The following EML2 variants were observed in gnomAD, a reference collection of about 807,000 sequenced individuals.
The protein encoded by EML2 is EMAP like 2, also known as echinoderm microtubule-associated protein-like 2.
EML2 carries 59 observed loss-of-function variants against 84.7 expected under a neutral mutation model. The observed-to-expected ratio is 0.70, with a 90% CI of 0.56 to 0.86. The LOEUF is 0.86. Among genes scored for constraint, EML2 ranks in the 40% least tolerant of loss-of-function variants. EML2 has a pLI of 0.00. For missense variants in EML2, 818 were observed against 855.6 expected (o/e 0.96, Z 0.55); for synonymous variants, 352 against 348.9 (o/e 1.01, Z -0.10).
intron 3 of EML2, among the ~76,000 whole-genome samples, chr19:45,638,258 T>C (rs1169027471): frequency 6.6e-6 from 1 of 152,232 alleles, no homozygotes; most frequent in African/African-American, 2.4e-5. Flanking sequence ...CCCATCTCTG[T>C]CAGACTCCAG....
At chr19:45,616,945 G>A in intron 13 of EML2, 92 bp from the exon 14 acceptor site, 3 of 980,786 alleles carry the variant, frequency 3.1e-6, no homozygotes, top group Non-Finnish European at 4.7e-6. Context: ...GGGATCAGAG[G>A]GACCCCAGAA....
chr19:45,624,735 G>C lies in EML2; in HGVS notation c.825C>G (p.Leu275=). The C allele has an allele frequency of 1.2e-6, 2 of 1,613,730 alleles. No individual in the cohort carries two copies. Among genetic ancestry groups the C allele is most frequent in the Non-Finnish European group, 1.7e-6 (2 of 1,179,834 alleles). Residue 275 remains leucine (L), a synonymous_variant, in exon 9 of 19, where the codon CTC becomes CTG. Transcript: ENST00000245925. ...GACACTGACCTTTGCCCCAAACATA[G>C]AGGTTCCCCCCAGAGTCCCCCGTGA... ...DVVTGDSGGN[L]YVWGKGGNRI...
In EML2 at chr19:45,625,228, G is replaced by A. The variant is rs545441797; in HGVS notation, c.742-410C>T. ...TTACAGGCCTGCGCCATCATGGCCG[G>A]CTAATTTTGTTTTGTTTTTGTTTTT... On this transcript the variant is annotated intron_variant, in intron 8 of 18. Coordinates refer to ENST00000245925, the MANE Select transcript of EML2 (RefSeq NM_012155.4). 1.1e-4 allele frequency among the ~76,000 whole-genome samples: 16 copies of A among 152,116 alleles called. No homozygotes were observed. In the South Asian group the frequency reaches 3.3e-3, roughly 32 times the overall value.
At chr19:45,634,501 T>A (rs1380670135) in intron 3 of EML2, 30 bp from the exon 4 acceptor site, 2 of 1,500,042 alleles carry the variant, frequency 1.3e-6, no homozygotes, top group Non-Finnish European at 1.8e-6. Context: ...GGTTAAGGAA[T>A]GTGTTTTGTT....
Position 45,609,753 on chromosome 19 carries a change from A to T in EML2, c.1860T>A (p.His620Gln). ...CCCACAAGAAGGCCACATTTGTCAC[A>T]TGGCTGCTGTGTCCACCGTACTTGT... ...LSHKYGGHSS[H>Q]VTNVAFLWDD... The change falls in exon 19 of 19, where the codon CAT becomes CAA. Residue 620 changes from histidine (H) to glutamine (Q), a missense_variant. His to Gln is a conservative substitution (Grantham distance 24). Transcript: ENST00000245925. The T allele has an allele frequency of 6.2e-7, 1 of 1,613,138 alleles. No homozygotes were observed. Among genetic ancestry groups the T allele is most frequent in the Non-Finnish European group, 8.5e-7 (1 of 1,179,638 alleles).
chr19:45,620,460 G>A (rs955637758), intron 11 of EML2, among the ~76,000 whole-genome samples: 2 of 151,984 alleles, frequency 1.3e-5, no homozygotes, highest in African/African-American at 2.4e-5. Context: ...TGTAATCCCC[G>A]CATTTTGGGA....
At chr19:45,621,119 C>G (rs776177717) in intron 11 of EML2, 88 bp downstream of exon 11, 13 of 1,533,496 alleles carry the variant, frequency 8.5e-6, no homozygotes, top group Admixed American at 5.8e-5. Flanking sequence ...GTGAGGAGAA[C>G]TGGGAGTGGG....
chr19:45,643,796 C>T (rs1194822642), upstream of EML2: 1 of 1,459,926 alleles, frequency 6.8e-7, no homozygotes, highest in African/African-American at 1.4e-5. Context: ...GCCCTGCCCC[C>T]CACTCAGCGC....
chr19:45,640,419 G>GT (rs55686927), upstream of EML2: 54,737 of 144,238 alleles, frequency 0.38, 9,995 homozygotes, highest in East Asian at 0.51. Context: ...TTTGTTTTTT[G>GT]TTTTTTGTTT....
chr19:45,643,444 A>G, upstream of EML2: 1 of 1,071,088 alleles, frequency 9.3e-7, no homozygotes. Flanking sequence ...CGCGCCCCAG[A>G]TTTGGCTCTC....
intron 18 of EML2, among the ~76,000 whole-genome samples, chr19:45,612,847 C>G (rs1970635352): frequency 6.6e-6 from 1 of 152,004 alleles, no homozygotes; most frequent in Non-Finnish European, 1.5e-5. Context: ...GAAACAATCC[C>G]TCTTCTGTTA....
At chr19:45,639,845 T>G (rs1002927640), upstream of EML2, among the ~76,000 whole-genome samples, 8 of 151,888 alleles carry the variant, frequency 5.3e-5, no homozygotes, top group Non-Finnish European at 1.2e-4. Flanking sequence ...AATACAAAAC[T>G]TAGCCTGGCG....
chr19:45,644,351 C>T (rs773914767), upstream of EML2, among the ~76,000 whole-genome samples: 4 of 152,112 alleles, frequency 2.6e-5, no homozygotes, highest in African/African-American at 4.8e-5. Flanking sequence ...ACAGGAATGG[C>T]CACCCTGTCA....
chr19:45,614,814 GGCTCATTCT>G, intron 16 of EML2, 114 bp from the exon 17 acceptor site: 1 of 831,438 alleles, frequency 1.2e-6, no homozygotes, highest in South Asian at 1.5e-5. Flanking sequence ...AAGGTCCCAG[GGCTCATTCT>G]ACCTGTCAGG....
upstream of EML2, chr19:45,645,044 C>G (rs916075108): frequency 3.3e-6 from 2 of 600,454 alleles, no homozygotes; most frequent in Non-Finnish European, 5.9e-6. Flanking sequence ...CTTCTCTCCT[C>G]TCCGTCTAGC....
Position 45,609,485 on chromosome 19 carries a change from C to T in EML2, c.*178G>A, listed in dbSNP as rs567127923. ...ACCAAACACCAATGGATCCCCAAAG[C>T]GATGTGACTCCCTCTTCCCACCCGG... is the stretch of plus-strand genomic sequence containing the variant. On this transcript the variant is annotated 3_prime_UTR_variant, in exon 19 of 19. Coordinates refer to ENST00000245925, the MANE Select transcript of EML2 (RefSeq NM_012155.4). 57 of 643,162 alleles carry T rather than the reference C, an allele frequency of 8.9e-5. No homozygotes were observed. The highest frequency in any genetic ancestry group is 8.8e-4 in the South Asian group (24 of 27,374). 39.8% of individuals were successfully genotyped at this position (643,162 alleles called of 1,614,324 possible).
rs1272143336 is a variant in EML2, at chr19:45,613,645, T to C, written c.1720A>G (p.Thr574Ala). 2 of 1,614,074 alleles carry C rather than the reference T, an allele frequency of 1.2e-6. No individual in the cohort carries two copies. Among genetic ancestry groups the C allele is most frequent in the East Asian group, 2.2e-5 (1 of 44,874 alleles). ...FGIWSEGADGTDINAVARSHD... is the reference protein window; with the variant it reads ...FGIWSEGADGADINAVARSHD... ...GAGCGGGCCACAGCGTTGATATCAG[T>C]GCCGTCCGCCCCCTCAGACCAGATC... Residue 574 changes from threonine (T) to alanine (A), a missense_variant, in exon 18 of 19, where the codon ACT becomes GCT. Physicochemically the swap from Thr to Ala is moderately conservative, Grantham distance 58. Coordinates refer to ENST00000245925, the MANE Select transcript of EML2 (RefSeq NM_012155.4).
intron 8 of EML2, among the ~76,000 whole-genome samples, chr19:45,626,250 G>A (rs539641456): frequency 6.6e-6 from 1 of 152,004 alleles, no homozygotes; most frequent in East Asian, 1.9e-4. Flanking sequence ...GGGCTCAAGG[G>A]ATCCTCCCCC....
chr19:45,626,917 C>T, intron 7 of EML2, 78 bp from the exon 8 acceptor site: 1 of 1,426,106 alleles, frequency 7.0e-7, no homozygotes, highest in Non-Finnish European at 9.4e-7. Context: ...ACAGGACTGC[C>T]CTAAACGGCT....
Sources: allele counts gnomAD v4.1 joint callset (sites outside exome capture counted in the v4.1 genomes callset), GRCh38; gene constraint gnomAD v4.1.1; transcripts MANE v1.5; gene names NCBI Gene and HGNC (gene_info 2026-07-23, HGNC 2026-07-21).